The following TTC23 variants were observed in gnomAD, a reference collection of about 807,000 sequenced individuals.
TTC23 encodes tetratricopeptide repeat domain 23.
A neutral mutation model predicts 55.1 loss-of-function variants in TTC23; 58 were observed. That is an observed-to-expected ratio of 1.05 (90% CI 0.85 to 1.31). The LOEUF (loss-of-function observed/expected upper bound fraction) is 1.31, where lower values mean the gene tolerates loss of function less well. TTC23 is among the 50% of genes most tolerant of loss of function. The probability of loss-of-function intolerance (pLI) is 0.00; values close to 1 mark genes in which losing one functional copy is unlikely to be tolerated. For missense variants in TTC23, 516 were observed against 534.4 expected (o/e 0.97, Z 0.34); for synonymous variants, 203 against 199.9 (o/e 1.02, Z -0.13).
At chr15:99,198,350 A>G (rs1420654590) in intron 9 of TTC23, among the ~76,000 whole-genome samples, 1 of 151,818 alleles carries the variant, frequency 6.6e-6, no homozygotes, top group Non-Finnish European at 1.5e-5. Flanking sequence ...GTCATCTATA[A>G]CTCTTCCCTT....
chr15:99,185,346 A>T (rs1444214308), intron 9 of TTC23, among the ~76,000 whole-genome samples: 1 of 152,206 alleles, frequency 6.6e-6, no homozygotes, highest in Non-Finnish European at 1.5e-5. Flanking sequence ...ACCTGCCAGG[A>T]GCCATGTGGG....
intron 3 of TTC23, among the ~76,000 whole-genome samples, chr15:99,236,033 A>T (rs2079292287): frequency 6.6e-6 from 1 of 152,210 alleles, no homozygotes. Context: ...TTATACATTT[A>T]TCCATTAAGG....
At chr15:99,225,353 A>C (rs2078307101) in intron 5 of TTC23, among the ~76,000 whole-genome samples, 1 of 152,232 alleles carries the variant, frequency 6.6e-6, no homozygotes, top group Non-Finnish European at 1.5e-5. Flanking sequence ...GGCAATTTCA[A>C]AACTGGGAGG....
chr15:99,161,024 A>G (rs1211070625), intron 11 of TTC23: 1 of 151,926 alleles, frequency 6.6e-6, no homozygotes, highest in Non-Finnish European at 1.5e-5. Context: ...AAAAAAAAAA[A>G]AAAAAAACTT....
At chr15:99,177,151 A>C (rs867177868) in intron 9 of TTC23, among the ~76,000 whole-genome samples, 1 of 152,228 alleles carries the variant, frequency 6.6e-6, no homozygotes, top group African/African-American at 2.4e-5. Context: ...TACTTGTCAC[A>C]TGTTAAAATC....
At chr15:99,183,381 G>A (rs1248548636) in intron 9 of TTC23, among the ~76,000 whole-genome samples, 1 of 151,292 alleles carries the variant, frequency 6.6e-6, no homozygotes, top group Non-Finnish European at 1.5e-5. Flanking sequence ...GAGTGCAGTG[G>A]TGCGATCTCG....
chr15:99,243,698 C>T (rs2079998076), intron 2 of TTC23, among the ~76,000 whole-genome samples: 1 of 152,118 alleles, frequency 6.6e-6, no homozygotes, highest in Non-Finnish European at 1.5e-5. Context: ...GGATATTATA[C>T]TAAGAGAAAT....
At chr15:99,163,664 T>C (rs2071682819) in intron 10 of TTC23, among the ~76,000 whole-genome samples, 1 of 152,214 alleles carries the variant, frequency 6.6e-6, no homozygotes, top group Non-Finnish European at 1.5e-5. Flanking sequence ...GTGATGATAG[T>C]CAGAGGCAGG....
chr15:99,139,696 C>G, intron 12 of TTC23: 1 of 1,376,900 alleles, frequency 7.3e-7, no homozygotes, highest in East Asian at 4.2e-5. Flanking sequence ...TGGTACTGAC[C>G]AGAGGATGGG....
chr15:99,221,962 G>A, intron 5 of TTC23, 98 bp from the exon 6 acceptor site: 3 of 1,374,640 alleles, frequency 2.2e-6, no homozygotes, highest in Non-Finnish European at 3.0e-6. Flanking sequence ...AATACTGAGT[G>A]ACTACTATGT....
chr15:99,152,278 C>A (rs996588398), intron 12 of TTC23, among the ~76,000 whole-genome samples: 46 of 152,312 alleles, frequency 3.0e-4, no homozygotes, highest in African/African-American at 1.1e-3. Context: ...AGAAGCTGAG[C>A]AGATACCAGC....
intron 4 of TTC23, among the ~76,000 whole-genome samples, chr15:99,230,248 A>G (rs189960294): frequency 9.8e-5 from 15 of 152,332 alleles, no homozygotes; most frequent in African/African-American, 3.6e-4. Context: ...ATGTGTGAAG[A>G]TGAAAATGTG....
At chr15:99,140,002 T>C (rs2068043745) in intron 12 of TTC23, 1 of 231,804 alleles carries the variant, frequency 4.3e-6, no homozygotes, top group African/African-American at 2.3e-5. Flanking sequence ...GTGCCCAAAA[T>C]GGCCAAAATA....
At chr15:99,138,261 G>A in intron 13 of TTC23, 134 bp from the exon 14 acceptor site, 1 of 1,033,266 alleles carries the variant, frequency 9.7e-7, no homozygotes, top group Non-Finnish European at 1.4e-6. Context: ...AATGAGAGGA[G>A]AATTGTAGCA....
intron 8 of TTC23, among the ~76,000 whole-genome samples, chr15:99,213,466 A>G (rs1321727363): frequency 1.3e-5 from 2 of 152,232 alleles, no homozygotes; most frequent in African/African-American, 2.4e-5. Context: ...TCTTTTTTAT[A>G]GCAACACTGC....
At chr15:99,199,642 A>G (rs1372241186) in intron 9 of TTC23, among the ~76,000 whole-genome samples, 1 of 152,172 alleles carries the variant, frequency 6.6e-6, no homozygotes, top group African/African-American at 2.4e-5. Flanking sequence ...GTTGGGTAAC[A>G]TACGCTCTAA....
chr15:99,172,637 A>G (rs1197233007), intron 10 of TTC23, among the ~76,000 whole-genome samples: 1 of 152,202 alleles, frequency 6.6e-6, no homozygotes, highest in Non-Finnish European at 1.5e-5. Context: ...GGGTGCCTCA[A>G]CTTCTCCATC....
chr15:99,155,994 G>C, intron 12 of TTC23, 154 bp downstream of exon 12: 1 of 950,178 alleles, frequency 1.1e-6, no homozygotes, highest in Middle Eastern at 2.8e-4. Flanking sequence ...TACCCAAAAA[G>C]TATCAGGTTA....
At chr15:99,211,673 A>G (rs1327545899) in intron 8 of TTC23, among the ~76,000 whole-genome samples, 1 of 152,140 alleles carries the variant, frequency 6.6e-6, no homozygotes, top group Non-Finnish European at 1.5e-5. Flanking sequence ...AGGGTCTCCC[A>G]TGCACCTAGA....
Sources: allele counts gnomAD v4.1 joint callset (sites outside exome capture counted in the v4.1 genomes callset), GRCh38; gene constraint gnomAD v4.1.1; transcripts MANE v1.5; gene names NCBI Gene and HGNC (gene_info 2026-07-23, HGNC 2026-07-21).